SATB1: variants seen among roughly 807,000 people sequenced by gnomAD.
SATB1 encodes DNA-binding protein SATB1.
In SATB1, 11 loss-of-function variants were observed where a neutral mutation model predicts 86.9. The observed-to-expected ratio is 0.13, with a 90% confidence interval of 0.08 to 0.21. The LOEUF is 0.21. Ranked by LOEUF, SATB1 falls within the 10% of genes least tolerant of loss-of-function variation. The probability of loss-of-function intolerance (pLI) is 1.00; values close to 1 mark genes in which losing one functional copy is unlikely to be tolerated. For missense variants in SATB1, 551 were observed against 937.6 expected (o/e 0.59, Z 5.39); for synonymous variants, 357 against 357.2 (o/e 1.00, Z 0.01).
chr3:18,346,497 T>C lies in SATB1; in HGVS notation c.*2673A>G, dbSNP rs946820057. On this transcript the variant is annotated 3_prime_UTR_variant, in exon 11 of 11. Coordinates refer to ENST00000338745, the MANE Select transcript of SATB1 (RefSeq NM_002971.6). ...TGGGGGAGCAATATGGAAGATCATC[T>C]GGGCAAGTCTTTTCTAAAATGTGCC... 2 of 152,084 alleles carry C rather than the reference T, an allele frequency of 1.3e-5. No individual in the cohort carries two copies. Among genetic ancestry groups the C allele is most frequent in the Admixed American group, 6.6e-5 (1 of 15,264 alleles). 9.4% of individuals were successfully genotyped at this position (152,084 alleles called of 1,614,324 possible). A position where few individuals can be genotyped will look rare whatever the true frequency, so the allele number is the denominator to read the frequency against.
At chr3:18,378,056 A>G (rs1431071943) in intron 9 of SATB1, 114 bp downstream of exon 9, 2 of 873,962 alleles carry the variant, frequency 2.3e-6, no homozygotes, top group Non-Finnish European at 3.4e-6. Context: ...AAATAATCCT[A>G]GACACAGAGG....
chr3:18,442,845 T>C (rs1269875175), upstream of SATB1, among the ~76,000 whole-genome samples: 1 of 152,202 alleles, frequency 6.6e-6, no homozygotes, highest in Non-Finnish European at 1.5e-5. Flanking sequence ...TTGTCAAAAA[T>C]GTAAGCTTGA....
intron 5 of SATB1, among the ~76,000 whole-genome samples, chr3:18,407,533 TG>T (rs1697605916): frequency 6.6e-6 from 1 of 152,058 alleles, no homozygotes; most frequent in Admixed American, 6.6e-5. Flanking sequence ...CTGTTCTAAA[TG>T]TTTTCTAAGT....
At position 18,386,394 on chromosome 3, in the gene SATB1, C is replaced by G; in HGVS notation, c.1419+5G>C. The G allele has an allele frequency of 6.2e-7, 1 of 1,608,832 alleles. No individual in the cohort carries two copies. Among genetic ancestry groups the G allele is most frequent in the Non-Finnish European group, 8.5e-7 (1 of 1,176,518 alleles). ...AGAAGGGCAAGGAGGAAAAGGAGACCGCACCTGGGGAGGACGGCTGGGTGG... is the reference window on the plus strand; with the variant it reads ...AGAAGGGCAAGGAGGAAAAGGAGACGGCACCTGGGGAGGACGGCTGGGTGG... On this transcript the variant is annotated splice_donor_5th_base_variant and intron_variant, in intron 8 of 10. Transcript: ENST00000338745. This position sits in a 1 kb window ranked among gnomAD's most constrained non-coding sequence, Gnocchi z 4.5.
Position 18,394,416 on chromosome 3 carries a change from G to A in SATB1, c.1206+46C>T, listed in dbSNP as rs749000796. 1.1e-5 allele frequency: 16 copies of A among 1,515,556 alleles called. No homozygotes were observed. In the South Asian group the frequency reaches 1.5e-4, roughly 14 times the overall value. 93.9% of individuals were successfully genotyped at this position (1,515,556 alleles called of 1,614,324 possible). A position where few individuals can be genotyped will look rare whatever the true frequency, so the allele number is the denominator to read the frequency against. On this transcript the variant is annotated intron_variant, in intron 7 of 10. Coordinates refer to ENST00000338745, the MANE Select transcript of SATB1 (RefSeq NM_002971.6). This position sits in a 1 kb window ranked among gnomAD's most constrained non-coding sequence, Gnocchi z 5.9. ...TTAGTTATAGATGGGACTAAAGAAA[G>A]AGAAAATAGGAGACAGCACAGAACC...
chr3:18,381,364 T>G (rs761314380), intron 8 of SATB1, among the ~76,000 whole-genome samples: 60 of 152,334 alleles, frequency 3.9e-4, no homozygotes, highest in African/African-American at 1.0e-3. Context: ...ATATGTAGTT[T>G]TAATAATTGT....
intron 8 of SATB1, among the ~76,000 whole-genome samples, chr3:18,384,226 T>A (rs905161293): frequency 2.0e-5 from 3 of 152,304 alleles, no homozygotes; most frequent in African/African-American, 7.2e-5. Context: ...TCCCAACTTA[T>A]CAGCAGATAA....
intron 5 of SATB1, chr3:18,409,620 A>G (rs1697728360): frequency 6.6e-6 from 1 of 152,074 alleles, no homozygotes; most frequent in African/African-American, 2.4e-5. Flanking sequence ...ATTAGTATCA[A>G]GTACTTCAGT....
At position 18,348,735 on chromosome 3, in the gene SATB1, C is replaced by CTT; in HGVS notation, c.*433_*434dup. The CTT allele has an allele frequency of 6.8e-6, 1 of 146,540 alleles. No individual in the cohort carries two copies. The highest frequency in any genetic ancestry group is 2.0e-4 in the East Asian group (1 of 5,080). 9.1% of individuals were successfully genotyped at this position (146,540 alleles called of 1,614,324 possible). A position where few individuals can be genotyped will look rare whatever the true frequency, so the allele number is the denominator to read the frequency against. ...AATAGAGTAACAAACTCTTTTTTTT[C>CTT]TTTTTTTTTTTTAAATAAGGGGCAA... On this transcript the variant is annotated 3_prime_UTR_variant, in exon 11 of 11. Coordinates refer to ENST00000338745, the MANE Select transcript of SATB1 (RefSeq NM_002971.6).
chr3:18,349,706 C>G lies in SATB1; in HGVS notation c.1780-24G>C, dbSNP rs565624124. ...TGCTGCAAAGAAACAAGGAGACAATCAGAGCTCTGCTATCGTGGAGTTCCA... is the reference window on the plus strand; with the variant it reads ...TGCTGCAAAGAAACAAGGAGACAATGAGAGCTCTGCTATCGTGGAGTTCCA... On this transcript the variant is annotated intron_variant, in intron 10 of 10. Transcript: ENST00000338745. The surrounding 1 kb of genome is among the most constrained non-coding windows in gnomAD (Gnocchi z 5.5). 3.2e-6 allele frequency: 5 copies of G among 1,569,924 alleles called. No homozygotes were observed. Among genetic ancestry groups the G allele is most frequent in the Admixed American group, 1.9e-5 (1 of 52,954 alleles).
rs1385655159 is a variant in SATB1, at chr3:18,352,674, T to C, written c.1576-479A>G. On this transcript the variant is annotated intron_variant, in intron 9 of 10. Transcript: ENST00000338745. This position sits in a 1 kb window ranked among gnomAD's most constrained non-coding sequence, Gnocchi z 4.1. ...AACTGTGTGTGAATATTTATGTGTG[T>C]ACATGTATGAAACAGAAAGGACAGG... 2 of 167,072 alleles carry C rather than the reference T, an allele frequency of 1.2e-5. No homozygotes were observed. Among genetic ancestry groups the C allele is most frequent in the African/African-American group, 2.4e-5 (1 of 41,652 alleles). 10.3% of individuals were successfully genotyped at this position (167,072 alleles called of 1,614,324 possible).
intron 9 of SATB1, among the ~76,000 whole-genome samples, chr3:18,353,474 G>A (rs1370970511): frequency 6.6e-6 from 1 of 152,030 alleles, no homozygotes; most frequent in African/African-American, 2.4e-5. Context: ...TAGGGAACTT[G>A]ATCTAAGACA....
At chr3:18,378,373 T>C in intron 8 of SATB1, 48 bp from the exon 9 acceptor site, 2 of 1,589,758 alleles carry the variant, frequency 1.3e-6, no homozygotes, top group Non-Finnish European at 1.7e-6. Context: ...GGCTGAATTG[T>C]TTTGAAGCTT....
chr3:18,398,138 C>G (rs371733297), intron 5 of SATB1, among the ~76,000 whole-genome samples: 1 of 151,986 alleles, frequency 6.6e-6, no homozygotes, highest in Non-Finnish European at 1.5e-5. Flanking sequence ...AATAAATGCC[C>G]GGAAAACTGT....
At chr3:18,403,959 C>T (rs1697396280) in intron 5 of SATB1, among the ~76,000 whole-genome samples, 1 of 151,992 alleles carries the variant, frequency 6.6e-6, no homozygotes, top group African/African-American at 2.4e-5. Flanking sequence ...TTTTATCTGT[C>T]CATGGAAAAT....
At chr3:18,351,271 T>C (rs1575074743) in intron 10 of SATB1, 6 of 1,493,960 alleles carry the variant, frequency 4.0e-6, no homozygotes, top group South Asian at 1.2e-5. Flanking sequence ...GGTCACCCCC[T>C]CTCTGTGTCC....
intron 5 of SATB1, among the ~76,000 whole-genome samples, chr3:18,400,212 T>TTC (rs1697185281): frequency 6.6e-6 from 1 of 152,176 alleles, no homozygotes; most frequent in African/African-American, 2.4e-5. Context: ...AGGCTTGGGA[T>TTC]TCTTGTGTCA....
chr3:18,436,920 T>C (rs1699084587), intron 1 of SATB1: 2 of 152,208 alleles, frequency 1.3e-5, no homozygotes, highest in South Asian at 2.1e-4. Context: ...ACCAATTTGA[T>C]AGAATTGTCT....
intron 1 of SATB1, among the ~76,000 whole-genome samples, chr3:18,437,493 T>C (rs1382478562): frequency 6.6e-6 from 1 of 152,166 alleles, no homozygotes; most frequent in African/African-American, 2.4e-5. Context: ...TTTTTTAACA[T>C]GGTTGTTAAT....
Sources: gnomAD v4.1 joint callset for allele counts (sites outside exome capture counted in the v4.1 genomes callset) on GRCh38, gnomAD v4.1.1 for gene constraint, Gnocchi (gnomAD v3.1) non-coding constraint, MANE v1.5 for transcripts, NCBI Gene and HGNC (gene_info 2026-07-23, HGNC 2026-07-21) for gene names.